The following CCNB3 variants were observed in gnomAD, a reference collection of about 807,000 sequenced individuals.
The protein encoded by CCNB3 is cyclin B3.
Under a neutral mutation model 68.0 loss-of-function variants are expected in CCNB3, and 12 were observed. That is an observed-to-expected ratio of 0.18 (90% CI 0.11 to 0.29). CCNB3 has a LOEUF of 0.29. Ranked by LOEUF, CCNB3 falls within the 10% of genes least tolerant of loss-of-function variation. The pLI is 1.00. For synonymous variants in CCNB3, 354 were observed against 388.9 expected (o/e 0.91, Z 1.06); for missense variants, 904 against 993.1 (o/e 0.91, Z 1.21).
At position 50,346,726 on chromosome X, in the gene CCNB3, C is replaced by T. The variant is rs1391563181; in HGVS notation, c.3729C>T (p.Ser1243=). 1.7e-6 allele frequency: 2 copies of T among 1,208,568 alleles called. No homozygotes were observed. Among genetic ancestry groups the T allele is most frequent in the Non-Finnish European group, 2.2e-6 (2 of 893,803 alleles). The change falls in exon 10 of 13, where the codon AGC becomes AGT. Residue 1243 remains serine (S), a synonymous_variant. Coordinates refer to ENST00000376042, the MANE Select transcript of CCNB3 (RefSeq NM_033031.3). The part of the protein sequence containing the change: ...DDNYQRSEVL[S]MEINILNVLK... ...ATTATCAGCGATCTGAGGTACTCAG[C>T]ATGGAAATCAACATCCTGAACGTCC...
intron 8 of CCNB3, among the ~76,000 whole-genome samples, chrX:50,331,913 C>T (rs1274731610): frequency 9.0e-6 from 1 of 111,433 alleles, no homozygotes; most frequent in African/African-American, 3.3e-5. Flanking sequence ...TACATTGTCC[C>T]TTAGTACAGG....
rs781979096 is a variant in CCNB3 at position 50,310,544 on chromosome X, C to T, written c.2375C>T (p.Ala792Val). The T allele has an allele frequency of 2.2e-5, 27 of 1,209,702 alleles. No homozygotes were observed. Among genetic ancestry groups the T allele is most frequent in the South Asian group, 2.1e-4 (12 of 56,622 alleles). Residue 792 changes from alanine to valine, a missense_variant, in exon 6 of 13, where the codon GCG becomes GTG. By Grantham distance (64) the Ala-to-Val change is moderately conservative. Transcript: ENST00000376042. ...PLALEGYPSIAEGETLFKKLL... is the reference protein window; with the variant it reads ...PLALEGYPSIVEGETLFKKLL... Reference sequence around the variant, plus strand: ...GCCTTGGAGGGGTATCCCAGCATTGCGGAGGGGGAGACCCTCTTCAAGAAG... The same window carrying T: ...GCCTTGGAGGGGTATCCCAGCATTGTGGAGGGGGAGACCCTCTTCAAGAAG...
rs1283627593 is a variant in CCNB3, at chrX:50,206,228, C to A, written c.-113+1278C>A. 4.7e-5 allele frequency among the ~76,000 whole-genome samples: 5 copies of A among 106,019 alleles called. No homozygotes were observed. In the Admixed American group the frequency reaches 5.1e-4, roughly 11 times the overall value. 92.1% of individuals were successfully genotyped at this position (106,019 alleles called of 115,157 possible). ...ACTGCACTCCAGCCTGGCGACAGAG[C>A]GAGATTCCATCTCAAAATAAATAAA... is the stretch of plus-strand genomic sequence containing the variant. On this transcript the variant is annotated intron_variant, in intron 1 of 12. Transcript: ENST00000376042.
rs367651586 is a variant in CCNB3 at position 50,351,193 on chromosome X, C to T, written c.3961-48C>T. The T allele has an allele frequency of 4.3e-5, 51 of 1,194,062 alleles. No homozygotes were observed. The Middle Eastern group carries it at 7.1e-4, about 17-fold the overall frequency. On this transcript the variant is annotated intron_variant, in intron 11 of 12. Transcript: ENST00000376042. ...ACTTGGGATAGCAGAGATGGAGGAA[C>T]GGTGTGCTTCCTATAGTAGAAATCA...
rs1557214139 is a variant in CCNB3, at chrX:50,309,287, C to G, written c.1118C>G (p.Pro373Arg). 8.3e-7 allele frequency: 1 copy of G among 1,209,459 alleles called. No homozygotes were observed. Among genetic ancestry groups the G allele is most frequent in the African/African-American group, 1.8e-5 (1 of 57,034 alleles). The change falls in exon 6 of 13, where the codon CCT (proline) becomes CGT (arginine). Residue 373 changes from proline to arginine, a missense_variant. Transcript: ENST00000376042. ...GAGTCGTTAGCCTTTAAGAAGAAGC[C>G]TAGCACTGAGGAGGCAATCATGATG... ...VKESLAFKKK[P>R]STEEAIMMPV...
chrX:50,336,520 C>A lies in CCNB3; in HGVS notation c.3517-5682C>A, dbSNP rs932169872. On this transcript the variant is annotated intron_variant, in intron 8 of 12. Transcript: ENST00000376042. ...TTCTGCAATTTTCTCCTGATATCTT[C>A]CACACTTTGACTAAGGCCATATTAA... Among the ~76,000 whole-genome samples the A allele has an allele frequency of 5.3e-5, 6 of 112,150 alleles. No homozygotes were observed. In the Admixed American group the frequency reaches 5.6e-4, roughly 11 times the overall value.
intron 1 of CCNB3, among the ~76,000 whole-genome samples, chrX:50,205,731 G>A (rs540612168): frequency 1.8e-5 from 2 of 110,837 alleles, no homozygotes; most frequent in Non-Finnish European, 3.8e-5. Context: ...TGAGGCAGGC[G>A]GATCACGAGG....
chrX:50,321,691 A>T (rs986795036), intron 8 of CCNB3, among the ~76,000 whole-genome samples: 13 of 111,048 alleles, frequency 1.2e-4, no homozygotes, highest in Non-Finnish European at 2.5e-4. Context: ...TTTTATTATT[A>T]TATTATTATG....
intron 5 of CCNB3, among the ~76,000 whole-genome samples, chrX:50,306,210 T>G (rs1557213563): frequency 9.0e-6 from 1 of 111,321 alleles, no homozygotes; most frequent in Non-Finnish European, 1.9e-5. Flanking sequence ...TTAAATTTAT[T>G]TCTAAGCATT....
intron 8 of CCNB3, among the ~76,000 whole-genome samples, chrX:50,315,297 A>G (rs1043532482): frequency 8.0e-5 from 9 of 111,922 alleles, no homozygotes; most frequent in African/African-American, 2.3e-4. Flanking sequence ...TCAGTTCTAG[A>G]AAATACCATA....
intron 5 of CCNB3, among the ~76,000 whole-genome samples, chrX:50,305,686 CA>C (rs1921020840): frequency 1.8e-5 from 2 of 108,440 alleles, no homozygotes; most frequent in Admixed American, 9.9e-5. Flanking sequence ...TCAATTTCTA[CA>C]AACAAGCTAG....
intron 1 of CCNB3, among the ~76,000 whole-genome samples, chrX:50,216,243 G>A (rs1040125026): frequency 5.6e-5 from 6 of 107,622 alleles, no homozygotes; most frequent in African/African-American, 1.0e-4. Context: ...GTGAGCCACC[G>A]CGCCAGGCCT....
At chrX:50,227,194 A>G (rs1306049772) in intron 1 of CCNB3, among the ~76,000 whole-genome samples, 4 of 83,259 alleles carry the variant, frequency 4.8e-5, no homozygotes, top group African/African-American at 1.4e-4. Context: ...ATAAATATAT[A>G]TAGAGAATAT....
chrX:50,279,852 AAT>A (rs1169390180), intron 1 of CCNB3, among the ~76,000 whole-genome samples: 19 of 87,996 alleles, frequency 2.2e-4, no homozygotes, highest in African/African-American at 3.8e-4. Flanking sequence ...ATAAATATAA[AAT>A]ATATATACTA....
At chrX:50,282,559 G>A (rs1308098812) in intron 1 of CCNB3, among the ~76,000 whole-genome samples, 1 of 111,264 alleles carries the variant, frequency 9.0e-6, no homozygotes, top group East Asian at 2.8e-4. Context: ...TCTTGCCCAA[G>A]GCTCAGGGTT....
chrX:50,307,275 A>G (rs1391191460), intron 5 of CCNB3, among the ~76,000 whole-genome samples: 2 of 111,500 alleles, frequency 1.8e-5, no homozygotes, highest in African/African-American at 6.5e-5. Flanking sequence ...TTTTGAGCAT[A>G]CTAATTTGTT....
At position 50,349,722 on chromosome X, in the gene CCNB3, C is replaced by T. The variant is rs373533660; in HGVS notation, c.3961-1519C>T. ...TTTCCAAACAGTATTTGGGGGAGCC[C>T]TGGGTTTCCTGCAGAATTCTCTCAG... On this transcript the variant is annotated intron_variant, in intron 11 of 12. Transcript: ENST00000376042. Among the ~76,000 whole-genome samples the T allele has an allele frequency of 2.7e-5, 3 of 111,814 alleles. No individual in the cohort carries two copies. The East Asian group carries it at 8.5e-4, about 32-fold the overall frequency.
At chrX:50,282,385 A>T (rs1437165890) in intron 1 of CCNB3, among the ~76,000 whole-genome samples, 1 of 111,687 alleles carries the variant, frequency 9.0e-6, no homozygotes, top group African/African-American at 3.3e-5. Context: ...TATATAAAAA[A>T]TGAAGTTGCT....
chrX:50,313,945 G>A lies in CCNB3; in HGVS notation c.3513G>A (p.Val1171=). 8.3e-7 allele frequency: 1 copy of A among 1,200,170 alleles called. No individual in the cohort carries two copies. The highest frequency in any genetic ancestry group is 1.1e-6 in the Non-Finnish European group (1 of 885,379). Residue 1171 remains valine (V), a synonymous_variant, in exon 8 of 13, where the codon GTG becomes GTA. Transcript: ENST00000376042. ...RAILVDWLVE[V]QVSFEMTHET... is the part of the protein sequence containing the mutation. ...TTCTTGTGGACTGGTTGGTGGAGGT[G>A]CAGGTAAGCCTGACAACTCCTGCCT...
Sources: gnomAD v4.1 joint callset for allele counts (sites outside exome capture counted in the v4.1 genomes callset) on GRCh38, gnomAD v4.1.1 for gene constraint, MANE v1.5 for transcripts, NCBI Gene and HGNC (gene_info 2026-07-23, HGNC 2026-07-21) for gene names.